The following RASL11B variants were observed in gnomAD, a reference collection of about 807,000 sequenced individuals.
The protein encoded by RASL11B is RAS like family 11 member B, also known as ras-like protein family member 11B.
In RASL11B, 14 loss-of-function variants were observed where a neutral mutation model predicts 22.9. That is an observed-to-expected ratio of 0.61 (90% CI 0.40 to 0.96). The LOEUF is 0.96. RASL11B is among the 40% of genes least tolerant of loss of function. RASL11B has a pLI of 0.00. For missense variants in RASL11B, 261 were observed against 322.0 expected (o/e 0.81, Z 1.45); for synonymous variants, 143 against 130.2 (o/e 1.10, Z -0.67).
In RASL11B at chr4:52,863,337, A is replaced by C. The variant is rs749021157; in HGVS notation, c.199+13A>C. 1 of 1,610,720 alleles carries C rather than the reference A, an allele frequency of 6.2e-7. No individual in the cohort carries two copies. The highest frequency in any genetic ancestry group is 8.5e-7 in the Non-Finnish European group (1 of 1,177,602). On this transcript the variant is annotated intron_variant, in intron 2 of 3. Transcript: ENST00000248706. ...GAAAGAAATGCAGGTGAGACAATGC[A>C]TTTGAGAAAAATTCTGTCCCATTGC... is the stretch of plus-strand genomic sequence containing the variant.
chr4:52,863,440 C>T (rs1718199801), intron 2 of RASL11B, 116 bp downstream of exon 2: 1 of 834,384 alleles, frequency 1.2e-6, no homozygotes, highest in African/African-American at 1.7e-5. Context: ...AGGATCCCGC[C>T]ACTTAAAACT....
intron 2 of RASL11B, chr4:52,863,607 T>A: frequency 2.6e-6 from 1 of 381,656 alleles, no homozygotes. Context: ...CCCTTTGTAG[T>A]CAAGAACCTC....
In RASL11B at chr4:52,865,650, T is replaced by G; in HGVS notation, c.592T>G (p.Cys198Gly). The change falls in exon 4 of 4, where the codon TGT becomes GGT. Residue 198 changes from cysteine (C) to glycine (G), a missense_variant. By Grantham distance (159) the Cys-to-Gly change is radical. Transcript: ENST00000248706. ...NDVYSAFHVLCKEVSHKQQPS... is the reference protein window; with the variant it reads ...NDVYSAFHVLGKEVSHKQQPS... The stretch of plus-strand genomic sequence containing the variant: ...TGTCTACAGCGCCTTCCACGTCCTC[T>G]GTAAAGAGGTCAGTCACAAACAGCA... 6.2e-7 allele frequency: 1 copy of G among 1,614,120 alleles called. No individual in the cohort carries two copies. The highest frequency in any genetic ancestry group is 8.5e-7 in the Non-Finnish European group (1 of 1,180,006).
intron 2 of RASL11B, 164 bp downstream of exon 2, chr4:52,863,488 A>G (rs570162361): frequency 1.7e-5 from 11 of 638,016 alleles, no homozygotes; most frequent in South Asian, 1.1e-4. Context: ...CCCCCCTCCC[A>G]TAACTACCAT....
Position 52,865,433 on chromosome 4 carries a change from C to T in RASL11B, c.375C>T (p.Ser125=), listed in dbSNP as rs2109428829. The change falls in exon 4 of 4, where the codon AGC becomes AGT. Residue 125 remains serine (S), a synonymous_variant. Transcript: ENST00000248706. ...VIVFSITDYK[S]YELISQLHQH... Reference sequence around the variant, plus strand: ...TTTTCTCCATCACTGACTACAAGAGCTATGAACTCATCAGCCAGCTCCACC... The same window carrying T: ...TTTTCTCCATCACTGACTACAAGAGTTATGAACTCATCAGCCAGCTCCACC... 6.2e-7 allele frequency: 1 copy of T among 1,614,190 alleles called. No individual in the cohort carries two copies. The highest frequency in any genetic ancestry group is 2.2e-5 in the East Asian group (1 of 44,878).
intron 1 of RASL11B, among the ~76,000 whole-genome samples, chr4:52,863,042 G>C (rs796852162): frequency 6.6e-6 from 1 of 152,278 alleles, no homozygotes; most frequent in Admixed American, 6.5e-5. Flanking sequence ...CAGAGGAGGG[G>C]GTGGGCCCAG....
intron 1 of RASL11B, among the ~76,000 whole-genome samples, 177 bp downstream of exon 1, chr4:52,862,826 C>T (rs1718184871): frequency 6.6e-6 from 1 of 152,236 alleles, no homozygotes; most frequent in Non-Finnish European, 1.5e-5. Flanking sequence ...CGCCTGCTTC[C>T]ACAGACGGGG....
At position 52,865,511 on chromosome 4, in the gene RASL11B, C is replaced by G; in HGVS notation, c.453C>G (p.Ala151=). ...LGTRLPVVVV[A]NKADLLHIKQ... ...CCCGGCTGCCTGTGGTGGTCGTGGC[C>G]AACAAAGCTGACCTGTTGCACATCA... Residue 151 remains alanine, a synonymous_variant, in exon 4 of 4, where the codon GCC becomes GCG. Transcript: ENST00000248706. The G allele has an allele frequency of 6.2e-7, 1 of 1,614,196 alleles. No homozygotes were observed.
chr4:52,864,818 G>T (rs1718227987), intron 3 of RASL11B, among the ~76,000 whole-genome samples: 1 of 152,148 alleles, frequency 6.6e-6, no homozygotes, highest in South Asian at 2.1e-4. Flanking sequence ...AGTTGGAATT[G>T]GTGTTTTCCT....
rs552206845 is a variant in RASL11B at position 52,862,602 on chromosome 4, G to T, written c.95G>T (p.Arg32Leu). The T allele has an allele frequency of 1.3e-6, 2 of 1,597,592 alleles. No individual in the cohort carries two copies. Among genetic ancestry groups the T allele is most frequent in the Non-Finnish European group, 1.7e-6 (2 of 1,176,000 alleles). Residue 32 changes from arginine (R) to leucine (L), a missense_variant, in exon 1 of 4, where the codon CGC becomes CTC. Transcript: ENST00000248706. ...SDCCVGAAGR[R>L]LVKIAVVGAS... ...TGCTGTGTGGGCGCCGCCGGCCGCC[G>T]CCTGGTCAAGATCGCCGTGGTGGGC... is the stretch of plus-strand genomic sequence containing the variant.
rs1718173113 is a variant in RASL11B at position 52,862,390 on chromosome 4, A to G, written c.-118A>G. The G allele has an allele frequency of 7.0e-6, 5 of 711,066 alleles. No homozygotes were observed. Among genetic ancestry groups the G allele is most frequent in the Non-Finnish European group, 1.0e-5 (5 of 497,922 alleles). 44.0% of individuals were successfully genotyped at this position (711,066 alleles called of 1,614,324 possible). ...ACCCCGCCCGTACCTGCACTTATTT[A>G]TTGTTGTTATTTCTTACCGCGGAGC... On this transcript the variant is annotated 5_prime_UTR_variant, in exon 1 of 4. Coordinates refer to ENST00000248706, the MANE Select transcript of RASL11B (RefSeq NM_023940.3).
At chr4:52,864,957 T>C (rs1560463871) in intron 3 of RASL11B, among the ~76,000 whole-genome samples, 1 of 152,214 alleles carries the variant, frequency 6.6e-6, no homozygotes, top group Non-Finnish European at 1.5e-5. Flanking sequence ...AAAAGCGCCA[T>C]GCTAGGGTTT....
rs527596657 is a variant in RASL11B, at chr4:52,863,178, T to G, written c.143-90T>G. 3 of 1,157,268 alleles carry G rather than the reference T, an allele frequency of 2.6e-6. No individual in the cohort carries two copies. The South Asian group carries it at 3.9e-5, about 15-fold the overall frequency. 71.7% of individuals were successfully genotyped at this position (1,157,268 alleles called of 1,614,324 possible). A position where few individuals can be genotyped will look rare whatever the true frequency, so the allele number is the denominator to read the frequency against. ...CTTGGTGGCCATCTATGGCTTTCTT[T>G]GGGAGAACTGTTTTCCAGGCAGGGG... is the stretch of plus-strand genomic sequence containing the variant. On this transcript the variant is annotated intron_variant, in intron 1 of 3. Transcript: ENST00000248706.
Position 52,865,879 on chromosome 4 carries a change from G to A in RASL11B, c.*74G>A. The A allele has an allele frequency of 9.2e-7, 1 of 1,088,526 alleles. No homozygotes were observed. The highest frequency in any genetic ancestry group is 1.3e-6 in the Non-Finnish European group (1 of 747,268). The allele number at this position is 1,088,526 out of a possible 1,614,324, so 67.4% of individuals were successfully genotyped here. A position where few individuals can be genotyped will look rare whatever the true frequency, so the allele number is the denominator to read the frequency against. On this transcript the variant is annotated 3_prime_UTR_variant, in exon 4 of 4. Transcript: ENST00000248706. ...GAGGTTCTCCTAGTGCAGGAACGTT[G>A]AATATTGGCAATGATTCCTGGTTCC...
At chr4:52,864,617 T>G in intron 3 of RASL11B, 63 bp downstream of exon 3, 1 of 1,066,458 alleles carries the variant, frequency 9.4e-7, no homozygotes, top group Admixed American at 1.7e-5. Context: ...CACTCACTTC[T>G]TCTCAAAGTT....
intron 2 of RASL11B, among the ~76,000 whole-genome samples, chr4:52,863,902 G>T (rs1718209024): frequency 6.6e-6 from 1 of 152,220 alleles, no homozygotes; most frequent in South Asian, 2.1e-4. Flanking sequence ...TTCTGCCTAT[G>T]CTCTGTTAGC....
At chr4:52,864,589 C>T (rs770325769) in intron 3 of RASL11B, 35 bp downstream of exon 3, 2 of 1,371,040 alleles carry the variant, frequency 1.5e-6, no homozygotes, top group Admixed American at 1.7e-5. Flanking sequence ...GAAAGGGGAA[C>T]CTACTTGGCT....
chr4:52,862,485 C>T lies in RASL11B; in HGVS notation c.-23C>T, dbSNP rs1426447391. 27 of 1,600,078 alleles carry T rather than the reference C, an allele frequency of 1.7e-5. No homozygotes were observed. Among genetic ancestry groups the T allele is most frequent in the Non-Finnish European group, 2.2e-5 (26 of 1,174,856 alleles). On this transcript the variant is annotated 5_prime_UTR_variant, in exon 1 of 4. Transcript: ENST00000248706. ...TCTCCAGTCCCTCAGTCCCTTCCCG[C>T]GCGGTGCGCCGCAGCCGAGGCGATG...
chr4:52,864,409 T>G (rs1419279448), intron 2 of RASL11B, 69 bp from the exon 3 acceptor site: 1 of 1,028,374 alleles, frequency 9.7e-7, no homozygotes, highest in African/African-American at 1.6e-5. Context: ...TTTTTCTAGC[T>G]TAAAACTCAC....
Sources: gnomAD v4.1 joint callset for allele counts (sites outside exome capture counted in the v4.1 genomes callset) on GRCh38, gnomAD v4.1.1 for gene constraint, MANE v1.5 for transcripts, NCBI Gene and HGNC (gene_info 2026-07-23, HGNC 2026-07-21) for gene names.